Variants in UNC5D observed in about 807,000 individuals in gnomAD.
UNC5D encodes the protein unc-5 netrin receptor D.
A neutral mutation model predicts 105.4 loss-of-function variants in UNC5D; 39 were observed. The observed-to-expected ratio is 0.37, with a 90% CI of 0.29 to 0.48. UNC5D has a LOEUF of 0.48. Among genes scored for constraint, UNC5D ranks in the 20% least tolerant of loss-of-function variants. The pLI is 0.98. For synonymous variants in UNC5D, 452 were observed against 450.4 expected (o/e 1.00, Z -0.04); for missense variants, 991 against 1,202.4 (o/e 0.82, Z 2.60).
chr8:35,257,759 G>A (rs184969698), intron 1 of UNC5D, among the ~76,000 whole-genome samples: 6 of 152,180 alleles, frequency 3.9e-5, no homozygotes, highest in Admixed American at 6.5e-5. Flanking sequence ...GAATTCATAC[G>A]TATTTAACAC....
intron 1 of UNC5D, among the ~76,000 whole-genome samples, chr8:35,536,395 G>A (rs192248990): frequency 1.4e-4 from 22 of 152,302 alleles, no homozygotes; most frequent in Non-Finnish European, 1.3e-4. Flanking sequence ...TCATATCAAT[G>A]TCTTAGGCGA....
chr8:35,260,578 C>A (rs1804419765), intron 1 of UNC5D, among the ~76,000 whole-genome samples: 1 of 152,106 alleles, frequency 6.6e-6, no homozygotes, highest in East Asian at 1.9e-4. Context: ...ATTCTCCAGC[C>A]TCAGACTCCA....
chr8:35,414,775 T>C (rs546021588), intron 1 of UNC5D, among the ~76,000 whole-genome samples: 45 of 152,292 alleles, frequency 3.0e-4, no homozygotes, highest in Middle Eastern at 3.4e-3. Context: ...CTGGTTGTCT[T>C]ATTCATTCCT....
intron 1 of UNC5D, among the ~76,000 whole-genome samples, chr8:35,256,973 T>G (rs528611383): frequency 1.6e-4 from 23 of 144,366 alleles, no homozygotes; most frequent in Non-Finnish European, 2.2e-4. Context: ...TTTTTTTTTT[T>G]TTGTTTTTTG....
At chr8:35,719,218 TA>T (rs10525933) in intron 8 of UNC5D, among the ~76,000 whole-genome samples, 8,916 of 143,904 alleles carry the variant, frequency 0.062, 753 homozygotes, top group African/African-American at 0.19. Flanking sequence ...GAAGTCAGGG[TA>T]AAAAAATCTA....
intron 4 of UNC5D, among the ~76,000 whole-genome samples, chr8:35,619,312 C>T (rs905823983): frequency 6.6e-6 from 1 of 152,102 alleles, no homozygotes; most frequent in African/African-American, 2.4e-5. Context: ...TTGTACAGAA[C>T]AGTCAAGAAG....
intron 1 of UNC5D, among the ~76,000 whole-genome samples, chr8:35,246,066 T>A (rs1231810204): frequency 6.6e-6 from 1 of 152,108 alleles, no homozygotes; most frequent in Non-Finnish European, 1.5e-5. Context: ...ATTTAAGCAA[T>A]GTGGGGGGCT....
chr8:35,646,830 C>G (rs1823083850), intron 4 of UNC5D, among the ~76,000 whole-genome samples: 1 of 152,044 alleles, frequency 6.6e-6, no homozygotes, highest in Non-Finnish European at 1.5e-5. Context: ...AAGAATAACT[C>G]TGACTTAATA....
intron 14 of UNC5D, among the ~76,000 whole-genome samples, chr8:35,765,293 A>C (rs541254199): frequency 6.6e-6 from 1 of 152,188 alleles, no homozygotes; most frequent in Admixed American, 6.5e-5. Flanking sequence ...CCCCTTCCGC[A>C]TGGGGAAGAA....
At chr8:35,476,786 C>A (rs1810133790) in intron 1 of UNC5D, among the ~76,000 whole-genome samples, 1 of 152,182 alleles carries the variant, frequency 6.6e-6, no homozygotes. Context: ...CTTCTCAAAG[C>A]TCAGGCTGGA....
At chr8:35,462,797 C>G (rs1808993967) in intron 1 of UNC5D, among the ~76,000 whole-genome samples, 1 of 152,072 alleles carries the variant, frequency 6.6e-6, no homozygotes, top group African/African-American at 2.4e-5. Context: ...AAGTCACTGC[C>G]CTATTGATGG....
intron 1 of UNC5D, among the ~76,000 whole-genome samples, chr8:35,370,380 T>A (rs939419175): frequency 6.6e-6 from 1 of 152,242 alleles, no homozygotes; most frequent in Non-Finnish European, 1.5e-5. Flanking sequence ...TAATTTACAA[T>A]GAATCTTTAA....
At chr8:35,459,706 C>T (rs1808754156) in intron 1 of UNC5D, among the ~76,000 whole-genome samples, 1 of 152,266 alleles carries the variant, frequency 6.6e-6, no homozygotes, top group South Asian at 2.1e-4. Context: ...TTAAATCATA[C>T]TTCATTATGG....
At chr8:35,608,672 G>A (rs1321131710) in intron 4 of UNC5D, among the ~76,000 whole-genome samples, 1 of 152,160 alleles carries the variant, frequency 6.6e-6, no homozygotes, top group African/African-American at 2.4e-5. Flanking sequence ...TTACATGTGA[G>A]AACACATGGT....
At chr8:35,486,236 G>A (rs767641803) in intron 1 of UNC5D, among the ~76,000 whole-genome samples, 3 of 152,138 alleles carry the variant, frequency 2.0e-5, no homozygotes, top group East Asian at 1.9e-4. Context: ...AGGAAAGCAC[G>A]TTCTAATTCC....
chr8:35,321,880 T>A (rs1362140926), intron 1 of UNC5D, among the ~76,000 whole-genome samples: 4 of 152,158 alleles, frequency 2.6e-5, no homozygotes, highest in Non-Finnish European at 4.4e-5. Flanking sequence ...CCTATGCTAA[T>A]TAACAAACCA....
At chr8:35,257,021 G>T (rs1231763649) in intron 1 of UNC5D, among the ~76,000 whole-genome samples, 2 of 150,576 alleles carry the variant, frequency 1.3e-5, no homozygotes, top group Admixed American at 1.3e-4. Flanking sequence ...TGCCAAGCTG[G>T]AGTACTGCGG....
chr8:35,637,318 C>T (rs1822443123), intron 4 of UNC5D, among the ~76,000 whole-genome samples: 1 of 152,086 alleles, frequency 6.6e-6, no homozygotes, highest in African/African-American at 2.4e-5. Context: ...ATTGTCATAC[C>T]AATCAAAAAT....
At chr8:35,694,543 C>A (rs942953430) in intron 7 of UNC5D, among the ~76,000 whole-genome samples, 4 of 152,096 alleles carry the variant, frequency 2.6e-5, no homozygotes, top group Admixed American at 1.3e-4. Flanking sequence ...GAACAAGTGT[C>A]TTAATTTCTC....
Sources: gnomAD v4.1 joint callset for allele counts (sites outside exome capture counted in the v4.1 genomes callset) on GRCh38, gnomAD v4.1.1 for gene constraint, MANE v1.5 for transcripts, NCBI Gene and HGNC (gene_info 2026-07-23, HGNC 2026-07-21) for gene names.